The following TSPAN1 variants were observed in gnomAD, a reference collection of about 807,000 sequenced individuals.
TSPAN1 encodes tetraspanin 1, also known as tetraspanin-1.
Under a neutral mutation model 26.9 loss-of-function variants are expected in TSPAN1, and 23 were observed. The observed-to-expected ratio is 0.85, with a 90% confidence interval of 0.62 to 1.21. TSPAN1 has a LOEUF of 1.21. Ranked by LOEUF, TSPAN1 falls within the 50% of genes most tolerant of loss-of-function variation. The pLI is 0.00. For synonymous variants in TSPAN1, 115 were observed against 114.8 expected (o/e 1.00, Z -0.01); for missense variants, 283 against 298.4 (o/e 0.95, Z 0.38).
chr1:46,187,703 G>A (rs763074553), downstream of TSPAN1, among the ~76,000 whole-genome samples: 4 of 152,190 alleles, frequency 2.6e-5, no homozygotes, highest in East Asian at 1.9e-4. Context: ...TGCCCAGGGC[G>A]GGCCTCTACC....
At chr1:46,180,775 G>T in intron 2 of TSPAN1, 117 bp downstream of exon 2, 1 of 361,822 alleles carries the variant, frequency 2.8e-6, no homozygotes, top group Non-Finnish European at 5.1e-6. Flanking sequence ...GTGTGGGGGG[G>T]AGCACAGGAT....
downstream of TSPAN1, chr1:46,190,097 CTTTTTT>C: frequency 8.3e-5 from 67 of 806,894 alleles, no homozygotes; most frequent in Middle Eastern, 3.9e-4. Context: ...CCTTGAAGTT[CTTTTTT>C]TTTTTTTTTT....
intron 1 of TSPAN1, among the ~76,000 whole-genome samples, chr1:46,179,971 G>C (rs1490333629): frequency 6.6e-6 from 1 of 151,986 alleles, no homozygotes; most frequent in East Asian, 1.9e-4. Context: ...GGGAGTGTGT[G>C]TGTGTGTGTG....
chr1:46,193,963 C>T, the TSPAN1 span: 1 of 1,611,420 alleles, frequency 6.2e-7, no homozygotes, highest in African/African-American at 1.3e-5. Context: ...GCCTTATTCC[C>T]CCTTCAAACT....
chr1:46,194,062 G>A, the TSPAN1 span: 1 of 1,544,450 alleles, frequency 6.5e-7, no homozygotes. Flanking sequence ...CCCTGTTCTG[G>A]GCTCTCCACA....
intron 3 of TSPAN1, among the ~76,000 whole-genome samples, chr1:46,181,400 C>A (rs1657312692): frequency 6.6e-6 from 1 of 152,158 alleles, no homozygotes; most frequent in South Asian, 2.1e-4. Flanking sequence ...AGGGGCACCC[C>A]CTCTCTCCTA....
the TSPAN1 span, chr1:46,195,923 C>A: frequency 1.2e-6 from 2 of 1,614,098 alleles, no homozygotes. Flanking sequence ...CATCACGTGG[C>A]CCTGGCAGGG....
At chr1:46,192,788 G>C in the TSPAN1 span, 1 of 1,587,256 alleles carries the variant, frequency 6.3e-7, no homozygotes, top group Non-Finnish European at 8.6e-7. Flanking sequence ...CTTTGCCCAG[G>C]CTTCGCCCCC....
intron 3 of TSPAN1, among the ~76,000 whole-genome samples, chr1:46,183,053 G>C (rs923106440): frequency 6.6e-6 from 1 of 152,122 alleles, no homozygotes; most frequent in African/African-American, 2.4e-5. Context: ...GGACTTAAGT[G>C]ATTCTCCCAC....
chr1:46,186,109 C>T (rs141127542), downstream of TSPAN1, among the ~76,000 whole-genome samples: 1,234 of 152,130 alleles, frequency 8.1e-3, 13 homozygotes, highest in Non-Finnish European at 0.013. Flanking sequence ...CATTTGGGTT[C>T]CAGGCCTTGG....
chr1:46,175,925 T>A (rs183093546), intron 1 of TSPAN1: 2 of 463,746 alleles, frequency 4.3e-6, no homozygotes, highest in Non-Finnish European at 7.6e-6. Flanking sequence ...CAGGCTGGAG[T>A]GCAGTGGCGC....
At chr1:46,186,165 TGGGTTA>T (rs942595309), downstream of TSPAN1, among the ~76,000 whole-genome samples, 8 of 152,234 alleles carry the variant, frequency 5.3e-5, no homozygotes, top group Middle Eastern at 3.4e-3. Context: ...GAAGTACAGT[TGGGTTA>T]GGCCAGTCTG....
chr1:46,194,265 C>A, the TSPAN1 span: 1 of 1,614,182 alleles, frequency 6.2e-7, no homozygotes, highest in African/African-American at 1.3e-5. Flanking sequence ...GTCTTAAGGC[C>A]CCACTCACTG....
Position 46,185,283 on chromosome 1 carries a change from T to C in TSPAN1, c.653T>C (p.Val218Ala), listed in dbSNP as rs749059460. Residue 218 changes from valine to alanine, a missense_variant, in exon 8 of 9, where the codon GTG (valine) becomes GCG (alanine). Physicochemically the swap from Val to Ala is moderately conservative, Grantham distance 64 (BLOSUM62 0). Transcript: ENST00000372003. ...IRTNAVTVGG[V>A]AAGIGGLELA... Reference sequence around the variant, plus strand: ...ACTAATGCAGTCACCGTGGGTGGTGTGGCAGCTGGAATTGGGGGCCTCGAG... The same window carrying C: ...ACTAATGCAGTCACCGTGGGTGGTGCGGCAGCTGGAATTGGGGGCCTCGAG... 1.2e-6 allele frequency: 2 copies of C among 1,614,100 alleles called. No individual in the cohort carries two copies. The highest frequency in any genetic ancestry group is 1.7e-6 in the Non-Finnish European group (2 of 1,180,018).
downstream of TSPAN1, chr1:46,188,681 TCC>T: frequency 1.3e-6 from 2 of 1,582,230 alleles, no homozygotes; most frequent in Middle Eastern, 2.0e-4. Context: ...TCACAAGACA[TCC>T]CCAGAGGGCT....
At chr1:46,189,188 A>G, downstream of TSPAN1, 1 of 1,541,070 alleles carries the variant, frequency 6.5e-7, no homozygotes. Context: ...ACCAGCATCT[A>G]CAAAATCCTA....
At chr1:46,187,417 TCC>T (rs943990401), downstream of TSPAN1, among the ~76,000 whole-genome samples, 3 of 151,832 alleles carry the variant, frequency 2.0e-5, no homozygotes, top group Non-Finnish European at 4.4e-5. Flanking sequence ...AACAAACCAG[TCC>T]CCCTCCTTAC....
chr1:46,175,934 G>A (rs112922877), intron 1 of TSPAN1: 48 of 474,384 alleles, frequency 1.0e-4, no homozygotes, highest in African/African-American at 7.5e-4. Context: ...GTGCAGTGGC[G>A]CGATCTTGGC....
At chr1:46,184,148 TTGCCAGCAC>T (rs748096213) in intron 3 of TSPAN1, 34 bp from the exon 4 acceptor site, 2 of 1,605,550 alleles carry the variant, frequency 1.2e-6, no homozygotes, top group Non-Finnish European at 1.7e-6. Flanking sequence ...AGTAAGCTAC[TTGCCAGCAC>T]TGTTTAAGGC....
Sources: allele counts gnomAD v4.1 joint callset (sites outside exome capture counted in the v4.1 genomes callset), GRCh38; gene constraint gnomAD v4.1.1; transcripts MANE v1.5; gene names NCBI Gene and HGNC (gene_info 2026-07-23, HGNC 2026-07-21).